The following ZNF518A variants were observed in gnomAD, a reference collection of about 807,000 sequenced individuals.
The protein encoded by ZNF518A is zinc finger protein 518A, also known as zinc finger protein 518.
A neutral mutation model predicts 102.7 loss-of-function variants in ZNF518A; 47 were observed. The observed-to-expected ratio is 0.46, with a 90% confidence interval of 0.36 to 0.58. ZNF518A has a LOEUF of 0.58. ZNF518A is among the 20% of genes least tolerant of loss of function. The pLI, the probability that ZNF518A is intolerant of heterozygous loss-of-function variation, is 0.00. For synonymous variants in ZNF518A, 652 were observed against 594.6 expected, an observed-to-expected ratio of 1.10 and a Z score of -1.40; for missense variants, 1,793 against 1,699.8, an observed-to-expected ratio of 1.05 and a Z score of -0.96.
chr10:96,147,291 G>T (rs371487981), intron 3 of ZNF518A, among the ~76,000 whole-genome samples: 3 of 152,236 alleles, frequency 2.0e-5, no homozygotes, highest in African/African-American at 7.2e-5. Flanking sequence ...GAAGTCCTCA[G>T]TGTGTCTTTT....
chr10:96,150,195 G>A (rs995262464), intron 3 of ZNF518A, among the ~76,000 whole-genome samples: 2 of 151,478 alleles, frequency 1.3e-5, no homozygotes, highest in African/African-American at 4.8e-5. Flanking sequence ...TTAACCAGGC[G>A]TGGTGGTGGG....
chr10:96,191,727 G>T, intron 1 of ZNF518A: 4 of 363,574 alleles, frequency 1.1e-5, no homozygotes, highest in Non-Finnish European at 1.5e-5. Context: ...ATATTTATTT[G>T]GAAAATATTA....
At chr10:96,193,860 T>C (rs1258979282) in intron 1 of ZNF518A, among the ~76,000 whole-genome samples, 1 of 152,244 alleles carries the variant, frequency 6.6e-6, no homozygotes, top group Admixed American at 6.5e-5. Flanking sequence ...AAACTCCACA[T>C]GATTGACATC....
At chr10:96,130,247 G>T (rs1281302164), upstream of ZNF518A, 1 of 152,596 alleles carries the variant, frequency 6.6e-6, no homozygotes, top group South Asian at 2.1e-4. Context: ...TCCGCCTCTT[G>T]TGAGAGGAAG....
chr10:96,163,950 G>GT (rs2083092050), downstream of ZNF518A, among the ~76,000 whole-genome samples: 1 of 152,196 alleles, frequency 6.6e-6, no homozygotes, highest in Non-Finnish European at 1.5e-5. Flanking sequence ...TAGTATAGAT[G>GT]TATTTGTATA....
At chr10:96,167,361 G>A (rs2083147847), downstream of ZNF518A, among the ~76,000 whole-genome samples, 2 of 152,112 alleles carry the variant, frequency 1.3e-5, no homozygotes, top group South Asian at 4.1e-4. Context: ...GGCTGAGGCA[G>A]GAGAATCGCT....
At chr10:96,184,557 A>T (rs1371357535) in intron 1 of ZNF518A, among the ~76,000 whole-genome samples, 10 of 152,192 alleles carry the variant, frequency 6.6e-5, no homozygotes, top group Non-Finnish European at 1.3e-4. Context: ...TCCTTCACTT[A>T]TGAAGCTTAG....
intron 1 of ZNF518A, among the ~76,000 whole-genome samples, chr10:96,174,162 C>A (rs2083189889): frequency 6.6e-6 from 1 of 151,988 alleles, no homozygotes; most frequent in Non-Finnish European, 1.5e-5. Context: ...GAACTGTACA[C>A]TTAAAAATGA....
intron 3 of ZNF518A, among the ~76,000 whole-genome samples, chr10:96,148,637 G>A (rs1044454005): frequency 3.3e-5 from 5 of 152,186 alleles, no homozygotes; most frequent in Admixed American, 2.0e-4. Flanking sequence ...TGTAACACAA[G>A]GTTTTGACTC....
chr10:96,152,498 A>G (rs587753779), intron 3 of ZNF518A, among the ~76,000 whole-genome samples: 1 of 152,240 alleles, frequency 6.6e-6, no homozygotes, highest in African/African-American at 2.4e-5. Context: ...TTGCTGTCAG[A>G]TATCATGTTT....
chr10:96,136,772 A>G (rs973617104), intron 3 of ZNF518A, among the ~76,000 whole-genome samples: 4 of 152,182 alleles, frequency 2.6e-5, no homozygotes, highest in Admixed American at 2.6e-4. Flanking sequence ...TTGTTGTGTC[A>G]TTGTCTCATT....
At chr10:96,167,801 C>CA (rs1554890524), downstream of ZNF518A, among the ~76,000 whole-genome samples, 1 of 152,076 alleles carries the variant, frequency 6.6e-6, no homozygotes, top group African/African-American at 2.4e-5. Flanking sequence ...GTAAAACTTA[C>CA]AAAAAATGTA....
chr10:96,181,529 G>A (rs1591278405), intron 1 of ZNF518A, among the ~76,000 whole-genome samples: 1 of 152,292 alleles, frequency 6.6e-6, no homozygotes, highest in African/African-American at 2.4e-5. Flanking sequence ...TGTCTAAGGT[G>A]TAAGGAAGGG....
downstream of ZNF518A, among the ~76,000 whole-genome samples, chr10:96,167,443 C>T (rs587671691): frequency 1.1e-4 from 17 of 152,262 alleles, no homozygotes; most frequent in African/African-American, 3.4e-4. Flanking sequence ...GGCAGCGAGA[C>T]TCCACCTCAA....
intron 1 of ZNF518A, among the ~76,000 whole-genome samples, chr10:96,131,872 T>C (rs2081354975): frequency 6.6e-6 from 1 of 152,238 alleles, no homozygotes; most frequent in Non-Finnish European, 1.5e-5. Context: ...TACTTTAGCC[T>C]AGATCTATAA....
chr10:96,137,068 C>G (rs1287663036), intron 3 of ZNF518A, among the ~76,000 whole-genome samples: 4 of 152,198 alleles, frequency 2.6e-5, no homozygotes, highest in African/African-American at 4.8e-5. Flanking sequence ...GCCTGCAGGC[C>G]GTCATTTCAT....
chr10:96,160,869 T>C lies in ZNF518A; in HGVS notation c.*95T>C. The C allele has an allele frequency of 7.9e-7, 1 of 1,263,002 alleles. No homozygotes were observed. Among genetic ancestry groups the C allele is most frequent in the Non-Finnish European group, 1.1e-6 (1 of 952,110 alleles). 78.2% of individuals were successfully genotyped at this position (1,263,002 alleles called of 1,614,324 possible). ...AATGCAGACATTTTCTACTTCAGTA[T>C]AGTACCTGAAATCGAACATTTTAAA... is the stretch of plus-strand genomic sequence containing the variant. On this transcript the variant is annotated 3_prime_UTR_variant, in exon 6 of 6. Coordinates refer to ENST00000316045, the MANE Select transcript of ZNF518A (RefSeq NM_001330736.2).
chr10:96,171,275 T>A (rs1444046398), intron 1 of ZNF518A, among the ~76,000 whole-genome samples: 1 of 152,132 alleles, frequency 6.6e-6, no homozygotes, highest in Non-Finnish European at 1.5e-5. Context: ...GCCTTAAAAG[T>A]GGAAACAACC....
At chr10:96,145,934 T>C (rs1443450658) in intron 3 of ZNF518A, among the ~76,000 whole-genome samples, 1 of 152,206 alleles carries the variant, frequency 6.6e-6, no homozygotes, top group Non-Finnish European at 1.5e-5. Flanking sequence ...GCCATGGTGA[T>C]CTAAGACAGC....
Sources: allele counts gnomAD v4.1 joint callset (sites outside exome capture counted in the v4.1 genomes callset), GRCh38; gene constraint gnomAD v4.1.1; transcripts MANE v1.5; gene names NCBI Gene and HGNC (gene_info 2026-07-23, HGNC 2026-07-21).